Variants in MIF4GD observed in about 807,000 individuals in gnomAD.
MIF4GD encodes the protein MIF4G domain-containing protein.
In MIF4GD, 22 loss-of-function variants were observed where a neutral mutation model predicts 26.7. The ratio of observed to expected loss-of-function variants is 0.82; its 90% CI spans 0.59 to 1.18. The LOEUF (loss-of-function observed/expected upper bound fraction) is 1.18. Ranked by LOEUF, MIF4GD falls within the 50% of genes most tolerant of loss-of-function variation. MIF4GD has a pLI of 0.00. For missense variants in MIF4GD, 262 were observed against 279.6 expected, an observed-to-expected ratio of 0.94 and a Z score of 0.45; for synonymous variants, 137 against 111.6, an observed-to-expected ratio of 1.23 and a Z score of -1.43.
chr17:75,270,356 G>A lies in MIF4GD; in HGVS notation c.-50-111C>T. ...GCGCTCGGGACAGGGACTCCTGGGC[G>A]GTCCGTGGCGTGCGGTGGTTGGCTG... On this transcript the variant is annotated intron_variant, in intron 1 of 5. Transcript: ENST00000325102. The surrounding 1 kb of genome is among the most constrained non-coding windows in gnomAD (Gnocchi z 5.7). 1.6e-6 allele frequency: 1 copy of A among 630,256 alleles called. No individual in the cohort carries two copies. The highest frequency in any genetic ancestry group is 2.8e-6 in the Non-Finnish European group (1 of 355,462). 39.0% of individuals were successfully genotyped at this position (630,256 alleles called of 1,614,324 possible).
chr17:75,267,505 T>G, intron 5 of MIF4GD, 33 bp downstream of exon 5: 1 of 1,607,902 alleles, frequency 6.2e-7, no homozygotes, highest in Non-Finnish European at 8.5e-7. Flanking sequence ...TCCTGCAGCC[T>G]TCTGTGCTTG....
chr17:75,268,330 C>T, intron 2 of MIF4GD, 138 bp from the exon 3 acceptor site: 1 of 683,752 alleles, frequency 1.5e-6, no homozygotes, highest in East Asian at 2.7e-5. Context: ...ATACAGAGGA[C>T]AGTGGCTCCA....
chr17:75,267,777 G>C lies in MIF4GD; in HGVS notation c.317C>G (p.Thr106Ser). Residue 106 changes from threonine to serine, a missense_variant, in exon 4 of 6, where the codon ACC becomes AGC. By Grantham distance (58) the Thr-to-Ser change is moderately conservative. Transcript: ENST00000325102. ...GTAGTCAAAGATGTTGCAGATAAAG[G>C]TGACATAGCAGACCCAGCCCTGCAG... The part of the protein sequence containing the change: ...RSLQGWVCYV[T>S]FICNIFDYLR... 1 of 1,613,902 alleles carries C rather than the reference G, an allele frequency of 6.2e-7. No homozygotes were observed. The highest frequency in any genetic ancestry group is 8.5e-7 in the Non-Finnish European group (1 of 1,179,890).
intron 4 of MIF4GD, 53 bp from the exon 5 acceptor site, chr17:75,267,683 GTCCAAC>G: frequency 6.2e-7 from 1 of 1,612,982 alleles, no homozygotes; most frequent in East Asian, 2.2e-5. Context: ...AAGGGGAGCA[GTCCAAC>G]CTGGGCCTCA....
chr17:75,270,475 G>A lies in MIF4GD; in HGVS notation c.-50-230C>T. On this transcript the variant is annotated intron_variant, in intron 1 of 5. Transcript: ENST00000325102. The surrounding 1 kb of genome is among the most constrained non-coding windows in gnomAD (Gnocchi z 5.7). ...ATCCCTCGCTTGTGGGATTACACAA[G>A]AGCGAGAAGCTGAAGCAGGAAAGCG... The A allele has an allele frequency of 2.5e-6, 1 of 393,540 alleles. No individual in the cohort carries two copies. The highest frequency in any genetic ancestry group is 4.7e-6 in the Non-Finnish European group (1 of 212,058). 24.4% of individuals were successfully genotyped at this position (393,540 alleles called of 1,614,324 possible).
In MIF4GD at chr17:75,267,617, G is replaced by A. The variant is rs1416820504; in HGVS notation, c.362C>T (p.Pro121Leu). Residue 121 changes from proline (P) to leucine (L), a missense_variant, in exon 5 of 6, where the codon CCC becomes CTC. By Grantham distance (98) the Pro-to-Leu change is moderately conservative. Coordinates refer to ENST00000325102, the MANE Select transcript of MIF4GD (RefSeq NM_001370592.1). The stretch of plus-strand genomic sequence containing the variant: ...GACAGGGTTCACCAGGGCCATCATG[G>A]GCATGTTGTTCACCTGTGAGGAAGA... ...IFDYLRVNNM[P>L]MMALVNPVYD... 1 of 1,614,226 alleles carries A rather than the reference G, an allele frequency of 6.2e-7. No individual in the cohort carries two copies. Among genetic ancestry groups the A allele is most frequent in the Admixed American group, 1.7e-5 (1 of 60,026 alleles).
At chr17:75,269,311 A>G in intron 2 of MIF4GD, 1 of 1,611,948 alleles carries the variant, frequency 6.2e-7, no homozygotes, top group Non-Finnish European at 8.5e-7. Flanking sequence ...GGCTTGACAC[A>G]TGATGGGTGT....
chr17:75,266,684 T>C lies in MIF4GD; in HGVS notation c.*56A>G. ...GTGAGGCAGAGACTCCACTGCCAGC[T>C]TTAGAGGTGGGTAGAAGAAAGGCCA... On this transcript the variant is annotated 3_prime_UTR_variant, in exon 6 of 6. Coordinates refer to ENST00000325102, the MANE Select transcript of MIF4GD (RefSeq NM_001370592.1). 6.5e-7 allele frequency: 1 copy of C among 1,541,642 alleles called. No individual in the cohort carries two copies. The highest frequency in any genetic ancestry group is 2.2e-5 in the East Asian group (1 of 44,508).
intron 2 of MIF4GD, among the ~76,000 whole-genome samples, chr17:75,269,123 C>T (rs1483636596): frequency 6.6e-6 from 1 of 152,166 alleles, no homozygotes; most frequent in African/African-American, 2.4e-5. Flanking sequence ...CTAGTAGGGA[C>T]CAATCAAAGT....
chr17:75,267,007 A>C, intron 5 of MIF4GD, 40 bp from the exon 6 acceptor site: 1 of 1,563,882 alleles, frequency 6.4e-7, no homozygotes, highest in South Asian at 1.1e-5. Flanking sequence ...GAACTGGGGC[A>C]GTGCCAGCCT....
Position 75,270,048 on chromosome 17 carries a change from G to T in MIF4GD, c.82+66C>A. On this transcript the variant is annotated intron_variant, in intron 2 of 5. Transcript: ENST00000325102. This position sits in a 1 kb window ranked among gnomAD's most constrained non-coding sequence, Gnocchi z 5.7. ...GAGGCATTCACCAGGCTCAGCCTCT[G>T]GTGCTGCCCACAGGGGCCCTTCTCT... The T allele has an allele frequency of 7.1e-7, 1 of 1,406,820 alleles. No individual in the cohort carries two copies. 87.1% of individuals were successfully genotyped at this position (1,406,820 alleles called of 1,614,324 possible).
At chr17:75,269,683 T>C (rs1017162971) in intron 2 of MIF4GD, among the ~76,000 whole-genome samples, 1 of 148,242 alleles carries the variant, frequency 6.7e-6, no homozygotes, top group African/African-American at 2.5e-5. Context: ...CCTCAGCATC[T>C]TAAGTAGCTG....
intron 5 of MIF4GD, 100 bp from the exon 6 acceptor site, chr17:75,267,067 C>A (rs906951411): frequency 5.2e-6 from 5 of 964,612 alleles, no homozygotes; most frequent in Admixed American, 2.0e-5. Flanking sequence ...CCTTTACACT[C>A]ATTCCCTTGC....
rs1270381769 is a variant in MIF4GD at position 75,266,784 on chromosome 17, T to C, written c.625A>G (p.Thr209Ala). Reference protein sequence around the residue: ...IEFRAAGWKTTPAAHKYYYSE... With the variant: ...IEFRAAGWKTAPAAHKYYYSE... Reference sequence around the variant, plus strand: ...TAGTAATACTTGTGGGCAGCTGGCGTTGTCTTCCAGCCGGCCGCCCGGAAC... The same window carrying C: ...TAGTAATACTTGTGGGCAGCTGGCGCTGTCTTCCAGCCGGCCGCCCGGAAC... Residue 209 changes from threonine to alanine, a missense_variant, in exon 6 of 6, where the codon ACG (threonine) becomes GCG (alanine). By Grantham distance (58) the Thr-to-Ala change is moderately conservative. Coordinates refer to ENST00000325102, the MANE Select transcript of MIF4GD (RefSeq NM_001370592.1). 7 of 1,614,164 alleles carry C rather than the reference T, an allele frequency of 4.3e-6. No individual in the cohort carries two copies. Among genetic ancestry groups the C allele is most frequent in the Non-Finnish European group, 5.9e-6 (7 of 1,180,026 alleles).
In MIF4GD at chr17:75,266,646, G is replaced by A; in HGVS notation, c.*94C>T. 4 of 1,189,888 alleles carry A rather than the reference G, an allele frequency of 3.4e-6. No homozygotes were observed. Among genetic ancestry groups the A allele is most frequent in the Non-Finnish European group, 5.0e-6 (4 of 802,624 alleles). 73.7% of individuals were successfully genotyped at this position (1,189,888 alleles called of 1,614,324 possible). On this transcript the variant is annotated 3_prime_UTR_variant, in exon 6 of 6. Coordinates refer to ENST00000325102, the MANE Select transcript of MIF4GD (RefSeq NM_001370592.1). ...GGGAAGACACTCAAAGTCTGGAAGG[G>A]AAAAGTCTTTGGGTGAGGCAGAGAC...
Position 75,270,281 on chromosome 17 carries a change from T to G in MIF4GD, c.-50-36A>C. On this transcript the variant is annotated intron_variant, in intron 1 of 5. Transcript: ENST00000325102. This position sits in a 1 kb window ranked among gnomAD's most constrained non-coding sequence, Gnocchi z 5.7. Reference sequence around the variant, plus strand: ...GAGGCGAAGGGAGCGGCCTCAGGTGTGGAGCGCAGGGCGGGTTCCGTCCTG... The same window carrying G: ...GAGGCGAAGGGAGCGGCCTCAGGTGGGGAGCGCAGGGCGGGTTCCGTCCTG... The G allele has an allele frequency of 8.1e-7, 1 of 1,239,990 alleles. No individual in the cohort carries two copies. Among genetic ancestry groups the G allele is most frequent in the Middle Eastern group, 1.9e-4 (1 of 5,282 alleles). 76.8% of individuals were successfully genotyped at this position (1,239,990 alleles called of 1,614,324 possible). A position where few individuals can be genotyped will look rare whatever the true frequency, so the allele number is the denominator to read the frequency against.
chr17:75,269,547 A>AAT, intron 2 of MIF4GD: 2 of 766,082 alleles, frequency 2.6e-6, no homozygotes, highest in Non-Finnish European at 3.6e-6. Flanking sequence ...TTATGGTTAA[A>AAT]CTTTTTTTTT....
chr17:75,267,654 AG>A, intron 4 of MIF4GD, 24 bp from the exon 5 acceptor site: 1 of 1,614,068 alleles, frequency 6.2e-7, no homozygotes, highest in Non-Finnish European at 8.5e-7. Flanking sequence ...GAGGGGTCAG[AG>A]CACCAGGCTT....
chr17:75,269,201 A>G, intron 2 of MIF4GD: 1 of 768,514 alleles, frequency 1.3e-6, no homozygotes, highest in South Asian at 1.9e-5. Context: ...ACTGACCAGG[A>G]CATGCCTCCA....
Sources: allele counts gnomAD v4.1 joint callset (sites outside exome capture counted in the v4.1 genomes callset), GRCh38; gene constraint gnomAD v4.1.1; non-coding constraint Gnocchi (gnomAD v3.1); transcripts MANE v1.5; gene names NCBI Gene and HGNC (gene_info 2026-07-23, HGNC 2026-07-21).